Variants in CSMD1 observed in about 807,000 individuals in gnomAD.
CSMD1 encodes CUB and sushi domain-containing protein 1.
In CSMD1, 213 loss-of-function variants were observed where a neutral mutation model predicts 417.5. That is an observed-to-expected ratio of 0.51 (90% CI 0.46 to 0.57). The LOEUF is 0.57. Ranked by LOEUF, CSMD1 falls within the 20% of genes least tolerant of loss-of-function variation. The probability of loss-of-function intolerance (pLI) is 0.00; values close to 1 mark genes in which losing one functional copy is unlikely to be tolerated. For synonymous variants in CSMD1, 2,862 were observed against 1,736.8 expected (o/e 1.65, Z -16.11); for missense variants, 6,923 against 4,529.7 (o/e 1.53, Z -15.17).
intron 2 of CSMD1, among the ~76,000 whole-genome samples, chr8:4,465,667 G>A (rs1800123274): frequency 6.6e-6 from 1 of 152,162 alleles, no homozygotes; most frequent in African/African-American, 2.4e-5. Flanking sequence ...CTGGAGAGAT[G>A]AAATTCACTT....
At chr8:4,091,961 G>T (rs1052015281) in intron 3 of CSMD1, among the ~76,000 whole-genome samples, 1 of 152,148 alleles carries the variant, frequency 6.6e-6, no homozygotes, top group African/African-American at 2.4e-5. Context: ...AGGGACTCAC[G>T]TAACTCTGCT....
chr8:3,182,548 C>G (rs986429897), intron 36 of CSMD1, among the ~76,000 whole-genome samples: 3 of 149,960 alleles, frequency 2.0e-5, no homozygotes, highest in Non-Finnish European at 4.4e-5. Flanking sequence ...TAACCCCAGG[C>G]AAGGACTCTG....
Position 3,367,067 on chromosome 8 carries a change from G to A in CSMD1, c.3080C>T (p.Ser1027Leu). ...GATATTGAAGCCCTCGTACGAAATT[G>A]AGAAGTCTGATATAAACCGAAGCTG... is the stretch of plus-strand genomic sequence containing the variant. ...TAQLRFISDF[S>L]ISYEGFNITF... The change falls in exon 20 of 70, where the codon TCA becomes TTA. Residue 1027 changes from serine to leucine, a missense_variant. Transcript: ENST00000635120. 6.2e-7 allele frequency: 1 copy of A among 1,613,752 alleles called. No homozygotes were observed. Among genetic ancestry groups the A allele is most frequent in the Non-Finnish European group, 8.5e-7 (1 of 1,179,780 alleles).
intron 1 of CSMD1, among the ~76,000 whole-genome samples, chr8:4,665,702 C>T (rs1421646202): frequency 1.3e-5 from 2 of 152,174 alleles, no homozygotes; most frequent in Non-Finnish European, 2.9e-5. Flanking sequence ...TAATCTATTC[C>T]TCTTTGTTCT....
intron 3 of CSMD1, among the ~76,000 whole-genome samples, chr8:4,262,696 A>C (rs1022162652): frequency 6.6e-6 from 1 of 152,082 alleles, no homozygotes; most frequent in Non-Finnish European, 1.5e-5. Context: ...TCCAGCCTCA[A>C]GTTATCACTC....
intron 3 of CSMD1, among the ~76,000 whole-genome samples, chr8:4,043,296 C>G (rs1215264045): frequency 6.6e-6 from 1 of 151,812 alleles, no homozygotes; most frequent in East Asian, 1.9e-4. Flanking sequence ...CCCAATCCAA[C>G]AAAAGGAAAA....
At chr8:4,465,696 A>G (rs1050449292) in intron 2 of CSMD1, among the ~76,000 whole-genome samples, 15 of 152,314 alleles carry the variant, frequency 9.8e-5, no homozygotes, top group Admixed American at 9.8e-4. Context: ...TGACCATTAA[A>G]GGAAGAAGAA....
At chr8:3,605,888 G>C (rs1487464818) in intron 8 of CSMD1, among the ~76,000 whole-genome samples, 1 of 152,146 alleles carries the variant, frequency 6.6e-6, no homozygotes, top group Admixed American at 6.5e-5. Context: ...TGGTTTAGCA[G>C]ACTATTAATG....
intron 7 of CSMD1, among the ~76,000 whole-genome samples, chr8:3,628,108 C>T (rs368743991): frequency 5.9e-5 from 9 of 152,078 alleles, no homozygotes; most frequent in Non-Finnish European, 1.2e-4. Flanking sequence ...AGAAAAAGAC[C>T]GGCAGTGTTG....
At chr8:2,981,398 G>C (rs1805412798) in intron 54 of CSMD1, among the ~76,000 whole-genome samples, 1 of 152,136 alleles carries the variant, frequency 6.6e-6, no homozygotes, top group African/African-American at 2.4e-5. Flanking sequence ...TCATGGTGCG[G>C]AGATATGTCA....
At chr8:4,275,617 A>T (rs142511662) in intron 3 of CSMD1, among the ~76,000 whole-genome samples, 2 of 152,174 alleles carry the variant, frequency 1.3e-5, no homozygotes, top group African/African-American at 2.4e-5. Context: ...ACCTCAGCAT[A>T]CAAAAATTCA....
chr8:4,785,480 G>C (rs1407929799), intron 1 of CSMD1, among the ~76,000 whole-genome samples: 1 of 152,112 alleles, frequency 6.6e-6, no homozygotes, highest in Non-Finnish European at 1.5e-5. Flanking sequence ...TGGACCTCAA[G>C]ACCAGCAGAG....
chr8:4,383,518 C>G (rs79686837), intron 3 of CSMD1, among the ~76,000 whole-genome samples: 12,741 of 152,156 alleles, frequency 0.084, 694 homozygotes, highest in South Asian at 0.19. Context: ...CCAACAAGCC[C>G]TGGCTATTGC....
chr8:4,001,299 T>A (rs184359644), intron 4 of CSMD1, among the ~76,000 whole-genome samples: 2 of 152,090 alleles, frequency 1.3e-5, no homozygotes, highest in Admixed American at 1.3e-4. Flanking sequence ...GCAGCCAACA[T>A]AACAGGGACA....
At chr8:4,196,890 T>C (rs1045957084) in intron 3 of CSMD1, among the ~76,000 whole-genome samples, 1 of 152,208 alleles carries the variant, frequency 6.6e-6, no homozygotes, top group Non-Finnish European at 1.5e-5. Flanking sequence ...TCCGCCATCT[T>C]CATTAAATTC....
chr8:3,987,073 C>G (rs1182967527), intron 5 of CSMD1, among the ~76,000 whole-genome samples: 1 of 152,186 alleles, frequency 6.6e-6, no homozygotes, highest in Non-Finnish European at 1.5e-5. Flanking sequence ...AAAGTGATTT[C>G]TATCATTTTG....
chr8:4,047,683 T>G (rs2130673425), intron 3 of CSMD1, among the ~76,000 whole-genome samples: 1 of 152,206 alleles, frequency 6.6e-6, no homozygotes, highest in South Asian at 2.1e-4. Flanking sequence ...GAAACACCAT[T>G]AAAAAAATAA....
chr8:3,411,870 GCACGTATATATA>G lies in CSMD1; in HGVS notation c.1562-2277_1562-2266del, dbSNP rs1489742127. On this transcript the variant is annotated intron_variant, in intron 12 of 69. Transcript: ENST00000635120. ...TGCACGTATATATGCACGTATATATGCACGTATATATACACGTATATATGCACGTATATATAC... is the reference window on the plus strand; with the variant it reads ...TGCACGTATATATGCACGTATATATGCACGTATATATGCACGTATATATAC... 4.0e-4 allele frequency among the ~76,000 whole-genome samples: 33 copies of G among 83,344 alleles called. 6 individuals carry two copies. The highest frequency in any genetic ancestry group is 9.5e-4 in the East Asian group (2 of 2,104). The allele number at this position is 83,344 out of a possible 152,430, so 54.7% of individuals were successfully genotyped here. A position where few individuals can be genotyped will look rare whatever the true frequency, so the allele number is the denominator to read the frequency against.
chr8:2,952,018 T>C (rs899647606), intron 65 of CSMD1, among the ~76,000 whole-genome samples: 15 of 152,234 alleles, frequency 9.9e-5, no homozygotes, highest in African/African-American at 3.6e-4. Flanking sequence ...TATTGAGATA[T>C]TTCTTCTTGT....
Sources: allele counts gnomAD v4.1 joint callset (sites outside exome capture counted in the v4.1 genomes callset), GRCh38; gene constraint gnomAD v4.1.1; transcripts MANE v1.5; gene names NCBI Gene and HGNC (gene_info 2026-07-23, HGNC 2026-07-21).